The following MYRFL variants were observed in gnomAD, a reference collection of about 807,000 sequenced individuals.
MYRFL encodes the protein myelin regulatory factor like.
Under a neutral mutation model 109.4 loss-of-function variants are expected in MYRFL, and 88 were observed. The ratio of observed to expected loss-of-function variants is 0.80; its 90% confidence interval spans 0.68 to 0.96. MYRFL has a LOEUF of 0.96. MYRFL is among the 40% of genes least tolerant of loss of function. The pLI is 0.00. For missense variants in MYRFL, 957 were observed against 954.9 expected, an observed-to-expected ratio of 1.00 and a Z score of -0.03; for synonymous variants, 324 against 320.9, an observed-to-expected ratio of 1.01 and a Z score of -0.10.
At chr12:69,858,092 A>G (rs12424409) in intron 2 of MYRFL, among the ~76,000 whole-genome samples, 33 of 151,362 alleles carry the variant, frequency 2.2e-4, no homozygotes, top group Middle Eastern at 3.4e-3. Context: ...AATTTTGTCA[A>G]TTTTTTTCTG....
intron 19 of MYRFL, among the ~76,000 whole-genome samples, chr12:69,945,204 T>C (rs1277148345): frequency 6.6e-6 from 1 of 152,166 alleles, no homozygotes; most frequent in Non-Finnish European, 1.5e-5. Context: ...AAAATAAATT[T>C]AGTATAGCCT....
intron 13 of MYRFL, among the ~76,000 whole-genome samples, chr12:69,914,395 C>T (rs1738490662): frequency 6.6e-6 from 1 of 152,004 alleles, no homozygotes; most frequent in Non-Finnish European, 1.5e-5. Context: ...CAGGGTACAG[C>T]CTTGGGAGTA....
rs1305608827 is a variant in MYRFL, at chr12:69,884,634, G to A, written c.557-2186G>A. Among the ~76,000 whole-genome samples, 6 of 152,190 alleles carry A rather than the reference G, an allele frequency of 3.9e-5. No individual in the cohort carries two copies. In the East Asian group the frequency reaches 7.7e-4, roughly 20 times the overall value. ...AGCCAGTATTCAGTCAGGAACATGGGCTAGTTATTTCACATTCGATAGAGC... is the reference window on the plus strand; with the variant it reads ...AGCCAGTATTCAGTCAGGAACATGGACTAGTTATTTCACATTCGATAGAGC... On this transcript the variant is annotated intron_variant, in intron 5 of 24. Coordinates refer to ENST00000552032, the MANE Select transcript of MYRFL (RefSeq NM_182530.3).
chr12:69,893,737 T>C, intron 7 of MYRFL, 27 bp from the exon 8 acceptor site: 1 of 1,279,398 alleles, frequency 7.8e-7, no homozygotes, highest in Non-Finnish European at 1.0e-6. Flanking sequence ...ATTAATTAAT[T>C]AGTTTACTTT....
intron 1 of MYRFL, among the ~76,000 whole-genome samples, chr12:69,825,948 T>C (rs1882248673): frequency 6.6e-6 from 1 of 152,044 alleles, no homozygotes; most frequent in African/African-American, 2.4e-5. Flanking sequence ...CACGGTAAGG[T>C]ATTTTGCATG....
At chr12:69,908,741 T>C (rs1054441291) in intron 11 of MYRFL, among the ~76,000 whole-genome samples, 2 of 152,204 alleles carry the variant, frequency 1.3e-5, no homozygotes, top group Non-Finnish European at 2.9e-5. Flanking sequence ...ACCACAAACT[T>C]TTAAAAGGCA....
chr12:69,877,888 T>C (rs979065597), intron 2 of MYRFL, among the ~76,000 whole-genome samples: 1 of 152,210 alleles, frequency 6.6e-6, no homozygotes, highest in African/African-American at 2.4e-5. Context: ...AAGCAACTTG[T>C]AGGTCTTTTG....
Position 69,835,150 on chromosome 12 carries a change from C to A in MYRFL, c.46+9587C>A, listed in dbSNP as rs146591525. On this transcript the variant is annotated intron_variant, in intron 1 of 24. Transcript: ENST00000552032. ...ATTTTAAAAGAACCGGTTCTTGTAT[C>A]TATCAACTGTCTTTCAGGAAAGGCC... 1.6e-4 allele frequency among the ~76,000 whole-genome samples: 24 copies of A among 152,238 alleles called. No homozygotes were observed. The East Asian group carries it at 4.6e-3, about 29-fold the overall frequency.
At chr12:69,852,779 G>A (rs1883962812) in intron 1 of MYRFL, among the ~76,000 whole-genome samples, 1 of 151,682 alleles carries the variant, frequency 6.6e-6, no homozygotes, top group South Asian at 2.1e-4. Context: ...ATTAGGGAGT[G>A]GTGATGACTC....
In MYRFL at chr12:69,910,877, G is replaced by A. The variant is rs1344203360; in HGVS notation, c.1549G>A (p.Asp517Asn). The A allele has an allele frequency of 2.6e-6, 4 of 1,535,448 alleles. No individual in the cohort carries two copies. In the Admixed American group the frequency reaches 5.9e-5, roughly 23 times the overall value. ...GCCCAGAGCAGTAAGAGAGGTTGGTGATGTCACCTGCGGAAACGGAGAGAC... is the reference window on the plus strand; with the variant it reads ...GCCCAGAGCAGTAAGAGAGGTTGGTAATGTCACCTGCGGAAACGGAGAGAC... Reference protein sequence around the residue: ...ILPRAVREVGDVTCGNGETLE... With the variant: ...ILPRAVREVGNVTCGNGETLE... Residue 517 changes from aspartate (D) to asparagine (N), a missense_variant, in exon 13 of 25, where the codon GAT becomes AAT. By Grantham distance (23) the Asp-to-Asn change is conservative. Coordinates refer to ENST00000552032, the MANE Select transcript of MYRFL (RefSeq NM_182530.3).
At chr12:69,901,485 G>C (rs1316336236) in intron 10 of MYRFL, among the ~76,000 whole-genome samples, 4 of 152,168 alleles carry the variant, frequency 2.6e-5, no homozygotes, top group Non-Finnish European at 5.9e-5. Flanking sequence ...CATCTGATGA[G>C]AGCTAAGTGA....
intron 8 of MYRFL, among the ~76,000 whole-genome samples, chr12:69,894,073 T>G (rs1179144427): frequency 6.8e-6 from 1 of 147,108 alleles, no homozygotes; most frequent in African/African-American, 2.5e-5. Context: ...CTGGGCTCAC[T>G]GCAACCTCCA....
intron 2 of MYRFL, among the ~76,000 whole-genome samples, chr12:69,861,975 A>T (rs1217442621): frequency 2.0e-5 from 3 of 150,276 alleles, no homozygotes; most frequent in Non-Finnish European, 4.5e-5. Flanking sequence ...ATGGCTAGCC[A>T]GTTTTCCCAG....
chr12:69,951,205 G>A (rs79642945), intron 19 of MYRFL, among the ~76,000 whole-genome samples: 2,181 of 152,218 alleles, frequency 0.014, 59 homozygotes, highest in African/African-American at 0.05. Flanking sequence ...CCACTTTGCC[G>A]TCGTAACAGA....
intron 2 of MYRFL, among the ~76,000 whole-genome samples, chr12:69,867,340 T>G (rs548169161): frequency 1.3e-5 from 2 of 152,354 alleles, no homozygotes; most frequent in East Asian, 3.9e-4. Context: ...AAGTGTTATA[T>G]GCACGTGTGT....
intron 1 of MYRFL, among the ~76,000 whole-genome samples, chr12:69,836,935 A>G (rs760218550): frequency 4.6e-5 from 7 of 152,072 alleles, no homozygotes; most frequent in Non-Finnish European, 8.8e-5. Context: ...TCTTAACCCA[A>G]CTTCAAAGTT....
chr12:69,953,604 C>CCAAACAAACAAA lies in MYRFL; in HGVS notation c.2375+727_2375+738dup, dbSNP rs111525528. Among the ~76,000 whole-genome samples, 245 of 151,998 alleles carry CCAAACAAACAAA rather than the reference C, an allele frequency of 1.6e-3. 1 individual carries two copies. Among genetic ancestry groups the CCAAACAAACAAA allele is most frequent in the African/African-American group, 5.5e-3 (226 of 41,372 alleles). ...GGCAACATGATGAGATCCTGTCTCT[C>CCAAACAAACAAA]CAAACAAACAAACAAACAAAATATT... On this transcript the variant is annotated intron_variant, in intron 21 of 24. Transcript: ENST00000552032.
In MYRFL at chr12:69,889,604, C is replaced by G. The variant is rs367879209; in HGVS notation, c.708-1367C>G. Among the ~76,000 whole-genome samples, 235 of 152,246 alleles carry G rather than the reference C, an allele frequency of 1.5e-3. 2 individuals are homozygous for G. In the South Asian group the frequency reaches 0.027, roughly 17 times the overall value. ...GCGCAGTGGCTCACGCCTGTAATCC[C>G]AGCACTCTGGGAGGCCAAGGCCGCA... is the stretch of plus-strand genomic sequence containing the variant. On this transcript the variant is annotated intron_variant, in intron 6 of 24. Coordinates refer to ENST00000552032, the MANE Select transcript of MYRFL (RefSeq NM_182530.3).
chr12:69,920,107 GGGTGA>G (rs1206623287), intron 13 of MYRFL, among the ~76,000 whole-genome samples: 2 of 152,168 alleles, frequency 1.3e-5, no homozygotes, highest in Non-Finnish European at 2.9e-5. Context: ...TTCCTGAAGT[GGGTGA>G]GGTGAGAGGG....
Sources: gnomAD v4.1 joint callset for allele counts (sites outside exome capture counted in the v4.1 genomes callset) on GRCh38, gnomAD v4.1.1 for gene constraint, MANE v1.5 for transcripts, NCBI Gene and HGNC (gene_info 2026-07-23, HGNC 2026-07-21) for gene names.